ZNF385D: variants seen among roughly 807,000 people sequenced by gnomAD.
The protein encoded by ZNF385D is zinc finger protein 659.
In ZNF385D, 15 loss-of-function variants were observed where a neutral mutation model predicts 35.8. The ratio of observed to expected loss-of-function variants is 0.42; its 90% CI spans 0.28 to 0.64. The LOEUF is 0.64. Ranked by LOEUF, ZNF385D falls within the 30% of genes least tolerant of loss-of-function variation. The pLI is 0.23. For missense variants in ZNF385D, 474 were observed against 494.6 expected, an observed-to-expected ratio of 0.96 and a Z score of 0.39; for synonymous variants, 212 against 186.8, an observed-to-expected ratio of 1.13 and a Z score of -1.10.
chr3:21,866,688 T>C (rs533579151), intron 3 of ZNF385D, among the ~76,000 whole-genome samples: 16 of 152,316 alleles, frequency 1.1e-4, no homozygotes, highest in African/African-American at 3.1e-4. Flanking sequence ...TCCACTGCTA[T>C]AGAGTAACTT....
chr3:21,876,810 C>G (rs1414220033), intron 3 of ZNF385D, among the ~76,000 whole-genome samples: 1 of 151,974 alleles, frequency 6.6e-6, no homozygotes, highest in Admixed American at 6.6e-5. Context: ...CAGCTTCACC[C>G]TGCTGCAAGC....
chr3:22,148,595 G>A (rs1705015120), intron 3 of ZNF385D, among the ~76,000 whole-genome samples: 1 of 152,174 alleles, frequency 6.6e-6, no homozygotes, highest in African/African-American at 2.4e-5. Context: ...CAAAAGAGGA[G>A]CTGCTCTTGA....
At chr3:21,752,548 T>C (rs2125561497), upstream of ZNF385D, among the ~76,000 whole-genome samples, 1 of 152,294 alleles carries the variant, frequency 6.6e-6, no homozygotes, top group Middle Eastern at 3.4e-3. Context: ...CATAAAAGCT[T>C]AACTGTATTC....
chr3:21,640,597 A>G (rs1287056461), intron 2 of ZNF385D, among the ~76,000 whole-genome samples: 3 of 152,094 alleles, frequency 2.0e-5, no homozygotes, highest in African/African-American at 7.2e-5. Context: ...CTGTGAGAAT[A>G]CAATGAGAAG....
intron 5 of ZNF385D, among the ~76,000 whole-genome samples, chr3:21,435,409 C>T (rs1305381032): frequency 2.0e-5 from 3 of 152,094 alleles, no homozygotes; most frequent in Admixed American, 1.3e-4. Context: ...AGGCACATGC[C>T]ACCATGCCCA....
At chr3:21,580,310 TGAG>T (rs764513466) in intron 2 of ZNF385D, among the ~76,000 whole-genome samples, 1 of 152,138 alleles carries the variant, frequency 6.6e-6, no homozygotes, top group African/African-American at 2.4e-5. Context: ...TGTTCAGAGA[TGAG>T]GAGAATAGAC....
chr3:21,747,997 C>T (rs1330009626), intron 1 of ZNF385D, among the ~76,000 whole-genome samples: 1 of 152,108 alleles, frequency 6.6e-6, no homozygotes. Flanking sequence ...ATTTTCCCTG[C>T]TTCCTTCTCC....
chr3:22,048,145 T>G (rs1699120378), intron 3 of ZNF385D, among the ~76,000 whole-genome samples: 1 of 152,170 alleles, frequency 6.6e-6, no homozygotes, highest in Admixed American at 6.5e-5. Flanking sequence ...AATAGTGCCT[T>G]ACCAGATGGG....
intron 1 of ZNF385D, among the ~76,000 whole-genome samples, chr3:21,732,724 T>A (rs1374353514): frequency 6.6e-6 from 1 of 152,244 alleles, no homozygotes; most frequent in Non-Finnish European, 1.5e-5. Context: ...TTTGGCCCAC[T>A]TTTTAATCAG....
At chr3:22,064,537 A>G (rs993582466) in intron 3 of ZNF385D, among the ~76,000 whole-genome samples, 1 of 152,246 alleles carries the variant, frequency 6.6e-6, no homozygotes, top group Non-Finnish European at 1.5e-5. Context: ...AAAGCAATCC[A>G]GGTGTCTGTC....
chr3:21,792,846 T>A (rs565008747), intron 3 of ZNF385D, among the ~76,000 whole-genome samples: 13 of 152,334 alleles, frequency 8.5e-5, no homozygotes, highest in Admixed American at 5.2e-4. Flanking sequence ...TTGATTTTTT[T>A]AAAAAGAGCT....
chr3:22,332,248 C>A (rs903164073), intron 2 of ZNF385D, among the ~76,000 whole-genome samples: 29 of 152,056 alleles, frequency 1.9e-4, no homozygotes, highest in Non-Finnish European at 3.4e-4. Context: ...TAGGCAAATT[C>A]CATTGCAGAA....
intron 3 of ZNF385D, among the ~76,000 whole-genome samples, chr3:21,514,215 T>C (rs528472203): frequency 6.6e-6 from 1 of 152,246 alleles, no homozygotes; most frequent in African/African-American, 2.4e-5. Context: ...GGGTCGTCAT[T>C]GCCAGACACC....
At chr3:21,915,697 G>A (rs138767181) in intron 3 of ZNF385D, among the ~76,000 whole-genome samples, 1 of 152,090 alleles carries the variant, frequency 6.6e-6, no homozygotes, top group Non-Finnish European at 1.5e-5. Context: ...CAATAAGTAG[G>A]TCAATTGCAC....
At chr3:21,882,497 T>C (rs1052836588) in intron 3 of ZNF385D, among the ~76,000 whole-genome samples, 26 of 152,050 alleles carry the variant, frequency 1.7e-4, no homozygotes, top group African/African-American at 6.3e-4. Context: ...AACTTTTATA[T>C]GCACTAGAAA....
intron 3 of ZNF385D, among the ~76,000 whole-genome samples, chr3:21,980,835 A>T (rs941785135): frequency 2.0e-5 from 3 of 152,060 alleles, no homozygotes; most frequent in Non-Finnish European, 4.4e-5. Context: ...TCTGTTCTTG[A>T]GTTAGTTTGC....
In ZNF385D at chr3:21,505,619, A is replaced by G. The variant is rs553169686; in HGVS notation, c.439+5242T>C. ...AACACTCCCCAACTTTTCACAAGCCATAACTACAGCCTTGACTGGACAAGA... is the reference window on the plus strand; with the variant it reads ...AACACTCCCCAACTTTTCACAAGCCGTAACTACAGCCTTGACTGGACAAGA... On this transcript the variant is annotated intron_variant, in intron 4 of 7. Coordinates refer to ENST00000281523, the MANE Select transcript of ZNF385D (RefSeq NM_024697.3). 2.0e-5 allele frequency among the ~76,000 whole-genome samples: 3 copies of G among 152,280 alleles called. No individual in the cohort carries two copies. In the East Asian group the frequency reaches 5.8e-4, roughly 29 times the overall value.
intron 2 of ZNF385D, among the ~76,000 whole-genome samples, chr3:21,570,429 C>T (rs1222203892): frequency 6.6e-6 from 1 of 152,148 alleles, no homozygotes; most frequent in African/African-American, 2.4e-5. Flanking sequence ...GAAGCTTAAC[C>T]CTGAGTTGAC....
chr3:21,502,689 T>A (rs1275932793), intron 4 of ZNF385D, among the ~76,000 whole-genome samples: 3 of 152,174 alleles, frequency 2.0e-5, no homozygotes, highest in Non-Finnish European at 4.4e-5. Context: ...AAGGTTTAGC[T>A]TTTTCCCCCA....
Sources: allele counts gnomAD v4.1 joint callset (sites outside exome capture counted in the v4.1 genomes callset), GRCh38; gene constraint gnomAD v4.1.1; transcripts MANE v1.5; gene names NCBI Gene and HGNC (gene_info 2026-07-23, HGNC 2026-07-21).